ZFR: variants seen among roughly 807,000 people sequenced by gnomAD.
ZFR encodes the protein zinc finger RNA-binding protein.
A neutral mutation model predicts 130.7 loss-of-function variants in ZFR; 19 were observed. That is an observed-to-expected ratio of 0.15 (90% CI 0.10 to 0.21). ZFR has a LOEUF of 0.21. Among genes scored for constraint, ZFR ranks in the 10% least tolerant of loss-of-function variants. ZFR has a pLI of 1.00. For synonymous variants in ZFR, 466 were observed against 456.9 expected (o/e 1.02, Z -0.25); for missense variants, 872 against 1,321.5 (o/e 0.66, Z 5.27).
intron 2 of ZFR, among the ~76,000 whole-genome samples, chr5:32,426,703 A>C (rs1581713014): frequency 6.6e-6 from 1 of 152,160 alleles, no homozygotes; most frequent in Non-Finnish European, 1.5e-5. Context: ...GGAGTTCGAG[A>C]CCAGCCTGGC....
intron 15 of ZFR, among the ~76,000 whole-genome samples, chr5:32,381,543 G>A (rs1295860615): frequency 6.6e-6 from 1 of 152,098 alleles, no homozygotes; most frequent in African/African-American, 2.4e-5. Context: ...AAAAATACAT[G>A]ATAAAAGTAT....
intron 2 of ZFR, among the ~76,000 whole-genome samples, chr5:32,435,301 CTGAG>C (rs982939912): frequency 1.3e-5 from 2 of 152,166 alleles, no homozygotes; most frequent in African/African-American, 4.8e-5. Flanking sequence ...AATATTCACA[CTGAG>C]TGAGATGGGA....
At position 32,417,707 on chromosome 5, in the gene ZFR, G is replaced by A; in HGVS notation, c.506C>T (p.Ala169Val). 1 of 1,613,992 alleles carries A rather than the reference G, an allele frequency of 6.2e-7. No homozygotes were observed. Among genetic ancestry groups the A allele is most frequent in the South Asian group, 1.1e-5 (1 of 91,080 alleles). Residue 169 changes from alanine to valine, a missense_variant, in exon 4 of 20, where the codon GCT (alanine) becomes GTT (valine). Transcript: ENST00000265069. Reference sequence around the variant, plus strand: ...AGGTTGGGCAGCGGCAGCTACAGCAGCAGCAGTTGCTGTTGGTTGTTGGTA... The same window carrying A: ...AGGTTGGGCAGCGGCAGCTACAGCAACAGCAGTTGCTGTTGGTTGTTGGTA... ...QYYQQPTATA[A>V]AVAAAAQPQP...
chr5:32,405,698 T>G (rs1161434839), intron 6 of ZFR, among the ~76,000 whole-genome samples: 1 of 152,228 alleles, frequency 6.6e-6, no homozygotes, highest in Admixed American at 6.5e-5. Context: ...TTCGCTTTCA[T>G]GTTTACTCCA....
chr5:32,380,851 T>C (rs962500532), intron 15 of ZFR, among the ~76,000 whole-genome samples: 44 of 151,758 alleles, frequency 2.9e-4, no homozygotes, highest in Non-Finnish European at 4.6e-4. Context: ...AGTTTCACCA[T>C]GTTGGCCAGG....
chr5:32,438,095 C>A (rs549207335), intron 2 of ZFR, among the ~76,000 whole-genome samples: 4 of 151,964 alleles, frequency 2.6e-5, no homozygotes, highest in Non-Finnish European at 4.4e-5. Flanking sequence ...ACTTTTTTAT[C>A]CTATTGTATT....
chr5:32,364,043 T>C lies in ZFR; in HGVS notation c.2950A>G (p.Ser984Gly). The change falls in exon 19 of 20, where the codon AGT becomes GGT. Residue 984 changes from serine (S) to glycine (G), a missense_variant and splice_region_variant. Around this residue, in one of 7 missense-constraint regions of ZFR, gnomAD observed 158 missense variants for 264.0 expected, o/e 0.60. Coordinates refer to ENST00000265069, the MANE Select transcript of ZFR (RefSeq NM_016107.5). ...TCACAAGGATCCAGAAGTCCAGGAC[T>C]ACCTACAGCAATCACCACAGGGAGA... The part of the protein sequence containing the change: ...CISSGIILKG[S>G]PGLLDPCEKD... 6.2e-7 allele frequency: 1 copy of C among 1,613,638 alleles called. No individual in the cohort carries two copies. Among genetic ancestry groups the C allele is most frequent in the Non-Finnish European group, 8.5e-7 (1 of 1,179,636 alleles).
intron 4 of ZFR, among the ~76,000 whole-genome samples, chr5:32,416,466 T>C (rs1753827772): frequency 6.6e-6 from 1 of 151,772 alleles, no homozygotes; most frequent in Non-Finnish European, 1.5e-5. Flanking sequence ...AATACAGAAT[T>C]AGCTGGGCAT....
At chr5:32,362,160 G>A (rs755546049) in intron 19 of ZFR, among the ~76,000 whole-genome samples, 1 of 152,072 alleles carries the variant, frequency 6.6e-6, no homozygotes, top group Non-Finnish European at 1.5e-5. Flanking sequence ...AATCATCATC[G>A]AGGATTAAAG....
At chr5:32,430,662 A>G (rs1754188391) in intron 2 of ZFR, among the ~76,000 whole-genome samples, 1 of 152,342 alleles carries the variant, frequency 6.6e-6, no homozygotes, top group East Asian at 1.9e-4. Context: ...AACTGTAAAC[A>G]TGAAAGATAA....
At chr5:32,383,922 C>T (rs1752984247) in intron 15 of ZFR, 1 of 358,556 alleles carries the variant, frequency 2.8e-6, no homozygotes, top group South Asian at 2.1e-5. Flanking sequence ...TTTGGACTGA[C>T]CATTTTCCTC....
intron 2 of ZFR, among the ~76,000 whole-genome samples, chr5:32,438,325 G>A (rs1209051155): frequency 7.5e-6 from 1 of 132,952 alleles, no homozygotes; most frequent in Non-Finnish European, 1.5e-5. Flanking sequence ...GTGCAATGGC[G>A]CGATCTTGGC....
At chr5:32,419,003 A>T (rs916851398) in intron 3 of ZFR, among the ~76,000 whole-genome samples, 1 of 152,216 alleles carries the variant, frequency 6.6e-6, no homozygotes, top group Non-Finnish European at 1.5e-5. Context: ...AATATGTATT[A>T]AAAAAGAACA....
chr5:32,397,180 T>A, intron 10 of ZFR, 39 bp downstream of exon 10: 1 of 1,560,970 alleles, frequency 6.4e-7, no homozygotes, highest in Non-Finnish European at 8.6e-7. Flanking sequence ...TGTTTTTGTT[T>A]TTTGTTTTAA....
At chr5:32,405,832 T>C (rs557387019) in intron 6 of ZFR, among the ~76,000 whole-genome samples, 1 of 152,290 alleles carries the variant, frequency 6.6e-6, no homozygotes, top group African/African-American at 2.4e-5. Flanking sequence ...GTTTTATATA[T>C]CTAGCCACAT....
chr5:32,434,413 T>C (rs1244807329), intron 2 of ZFR, among the ~76,000 whole-genome samples: 2 of 152,230 alleles, frequency 1.3e-5, no homozygotes, highest in Non-Finnish European at 2.9e-5. Flanking sequence ...TTTCTTCTCC[T>C]TTGCTGGTAT....
chr5:32,384,362 T>C (rs910585247), intron 15 of ZFR, among the ~76,000 whole-genome samples: 33 of 152,186 alleles, frequency 2.2e-4, no homozygotes, highest in Non-Finnish European at 1.5e-4. Flanking sequence ...GCTTAAGATA[T>C]AAATATCATC....
intron 17 of ZFR, among the ~76,000 whole-genome samples, chr5:32,368,380 C>A (rs914509532): frequency 1.3e-5 from 2 of 152,212 alleles, no homozygotes; most frequent in Middle Eastern, 3.2e-3. Context: ...GGATTATGGG[C>A]ATGAGCCACC....
intron 14 of ZFR, among the ~76,000 whole-genome samples, chr5:32,385,901 C>G (rs939569836): frequency 3.0e-4 from 45 of 152,166 alleles, no homozygotes; most frequent in Admixed American, 2.0e-3. Flanking sequence ...AGGTCTATCT[C>G]TCTTAGATAA....
Sources: gnomAD v4.1 joint callset for allele counts (sites outside exome capture counted in the v4.1 genomes callset) on GRCh38, gnomAD v4.1.1 for gene constraint, gnomAD v4.1.1 regional missense constraint, MANE v1.5 for transcripts, NCBI Gene and HGNC (gene_info 2026-07-23, HGNC 2026-07-21) for gene names.